The following SMC4 variants were observed in gnomAD, a reference collection of about 807,000 sequenced individuals.
SMC4 encodes structural maintenance of chromosomes 4.
Under a neutral mutation model 145.6 loss-of-function variants are expected in SMC4, and 87 were observed. That is an observed-to-expected ratio of 0.60 (90% CI 0.50 to 0.71). The LOEUF (loss-of-function observed/expected upper bound fraction) is 0.71. Among genes scored for constraint, SMC4 ranks in the 30% least tolerant of loss-of-function variants. The probability of loss-of-function intolerance (pLI) is 0.00; values close to 1 mark genes in which losing one functional copy is unlikely to be tolerated. For synonymous variants in SMC4, 558 were observed against 500.7 expected (o/e 1.11, Z -1.53); for missense variants, 1,447 against 1,537.1 (o/e 0.94, Z 0.98).
At chr3:160,407,847 C>T (rs1454319998) in intron 5 of SMC4, among the ~76,000 whole-genome samples, 2 of 152,154 alleles carry the variant, frequency 1.3e-5, no homozygotes, top group Admixed American at 1.3e-4. Flanking sequence ...GAAGCTACCT[C>T]TAACCAACCA....
Position 160,412,384 on chromosome 3 carries a change from T to C in SMC4, c.911T>C (p.Ile304Thr). The part of the protein sequence containing the change: ...EKDALEGEKN[I>T]AIEFLTLENE... ...GATGCCTTAGAAGGAGAGAAAAACA[T>C]AGCTATCGAATTTCTTACCTTGGAA... Residue 304 changes from isoleucine to threonine, a missense_variant, in exon 7 of 24, where the codon ATA becomes ACA. Transcript: ENST00000357388. 1 of 1,604,884 alleles carries C rather than the reference T, an allele frequency of 6.2e-7. No individual in the cohort carries two copies. Among genetic ancestry groups the C allele is most frequent in the Non-Finnish European group, 8.5e-7 (1 of 1,172,158 alleles).
intron 1 of SMC4, chr3:160,400,336 C>G (rs1412876522): frequency 6.6e-6 from 1 of 152,484 alleles, no homozygotes; most frequent in East Asian, 1.9e-4. Flanking sequence ...GGCGGCGAGT[C>G]GCCAGTTAGT....
intron 9 of SMC4, among the ~76,000 whole-genome samples, chr3:160,415,245 C>T (rs572063064): frequency 1.3e-5 from 2 of 152,310 alleles, no homozygotes; most frequent in African/African-American, 4.8e-5. Flanking sequence ...GTGGAACTTG[C>T]CTAAAAGTCC....
At position 160,413,387 on chromosome 3, in the gene SMC4, CAGTT is replaced by C. The variant is rs949343486; in HGVS notation, c.981-81_981-78del. 2.6e-5 allele frequency: 33 copies of C among 1,283,008 alleles called. 1 individual carries two copies. Among genetic ancestry groups the C allele is most frequent in the African/African-American group, 7.7e-5 (5 of 65,328 alleles). 79.5% of individuals were successfully genotyped at this position (1,283,008 alleles called of 1,614,324 possible). ...TGACTAGTTAATAATATTTTAGAAA[CAGTT>C]AGTTTTACTAAAATTGTTATACAGT... is the stretch of plus-strand genomic sequence containing the variant. On this transcript the variant is annotated intron_variant, in intron 7 of 23. Coordinates refer to ENST00000357388, the MANE Select transcript of SMC4 (RefSeq NM_001002800.3).
At chr3:160,427,508 A>G (rs17236452) in intron 17 of SMC4, among the ~76,000 whole-genome samples, 22,117 of 152,144 alleles carry the variant, frequency 0.15, 2,147 homozygotes, top group Non-Finnish European at 0.21. Flanking sequence ...GCCAAAATGT[A>G]TATCTGTGCT....
intron 9 of SMC4, among the ~76,000 whole-genome samples, chr3:160,414,971 A>G (rs1716434705): frequency 6.6e-6 from 1 of 152,196 alleles, no homozygotes; most frequent in Non-Finnish European, 1.5e-5. Context: ...TCTTTTTCCT[A>G]AAGTAGTAGT....
chr3:160,401,116 C>T (rs1033305239), intron 2 of SMC4, 151 bp downstream of exon 2: 46 of 1,120,770 alleles, frequency 4.1e-5, no homozygotes, highest in Middle Eastern at 6.2e-4. Flanking sequence ...AGCCATTTGG[C>T]AACTTTGAGA....
At chr3:160,428,041 G>A (rs1400613604) in intron 17 of SMC4, among the ~76,000 whole-genome samples, 2 of 152,214 alleles carry the variant, frequency 1.3e-5, no homozygotes, top group African/African-American at 4.8e-5. Flanking sequence ...AACCTGGGAG[G>A]TGGATGGAGG....
rs1488837892 is a variant in SMC4 at position 160,428,800 on chromosome 3, A to G, written c.2653A>G (p.Lys885Glu). The G allele has an allele frequency of 3.8e-6, 6 of 1,599,764 alleles. No homozygotes were observed. The highest frequency in any genetic ancestry group is 1.8e-5 in the Admixed American group (1 of 55,134). Reference protein sequence around the residue: ...EKAGKVEAEVKRLHNTIVEIN... With the variant: ...EKAGKVEAEVERLHNTIVEIN... ...AGCTGGTAAAGTAGAAGCTGAGGTT[A>G]AACGCTTACACAATACCATCGTAGA... The change falls in exon 18 of 24, where the codon AAA (lysine) becomes GAA (glutamate). Residue 885 changes from lysine (K) to glutamate (E), a missense_variant. Transcript: ENST00000357388.
rs199657629 is a variant in SMC4, at chr3:160,432,330, T to C, written c.3345T>C (p.Tyr1115=). ...QRVAELDKIT[Y]ERDSFRQAYE... is the part of the protein sequence containing the mutation. ...TAGCAGAATTGGACAAAATTACTTA[T>C]GAAAGAGACAGTTTTAGACAGGCAT... Residue 1115 remains tyrosine (Y), a synonymous_variant, in exon 22 of 24, where the codon TAT becomes TAC. Transcript: ENST00000357388. 32 of 1,612,758 alleles carry C rather than the reference T, an allele frequency of 2.0e-5. No individual in the cohort carries two copies. The East Asian group carries it at 5.3e-4, about 27-fold the overall frequency.
At chr3:160,423,913 C>A in intron 15 of SMC4, 73 bp downstream of exon 15, 1 of 1,215,682 alleles carries the variant, frequency 8.2e-7, no homozygotes. Context: ...ATACTTACTA[C>A]AAAATTTGGC....
chr3:160,402,569 C>G, intron 3 of SMC4, 107 bp from the exon 4 acceptor site: 1 of 1,121,592 alleles, frequency 8.9e-7, no homozygotes. Flanking sequence ...TAAATACTTG[C>G]AGTTTTTAAC....
At chr3:160,408,181 T>G (rs1404490438) in intron 5 of SMC4, among the ~76,000 whole-genome samples, 1 of 152,206 alleles carries the variant, frequency 6.6e-6, no homozygotes, top group Non-Finnish European at 1.5e-5. Context: ...AAGAGAAGAA[T>G]AATTGAGGCC....
chr3:160,410,192 C>A lies in SMC4; in HGVS notation c.688-1728C>A, dbSNP rs548695039. ...ATTCAGTAACGTCTGAAGACAGTTT[C>A]GGTTGTTATAGCTGGTAGAAGTGGG... is the stretch of plus-strand genomic sequence containing the variant. On this transcript the variant is annotated intron_variant, in intron 5 of 23. Coordinates refer to ENST00000357388, the MANE Select transcript of SMC4 (RefSeq NM_001002800.3). 1.2e-4 allele frequency among the ~76,000 whole-genome samples: 19 copies of A among 152,276 alleles called. No individual in the cohort carries two copies. In the South Asian group the frequency reaches 3.5e-3, roughly 28 times the overall value.
rs925894963 is a variant in SMC4 at position 160,430,808 on chromosome 3, A to G, written c.2940+65A>G. ...CTGGAACCAATTTAAAGAGCTGGAT[A>G]TATGACAGTGCCTAGAATGTAGTAA... On this transcript the variant is annotated intron_variant, in intron 19 of 23. Transcript: ENST00000357388. 6.6e-6 allele frequency: 10 copies of G among 1,523,758 alleles called. No homozygotes were observed. In the South Asian group the frequency reaches 9.0e-5, roughly 14 times the overall value. The allele number at this position is 1,523,758 out of a possible 1,614,324, so 94.4% of individuals were successfully genotyped here. A position where few individuals can be genotyped will look rare whatever the true frequency, so the allele number is the denominator to read the frequency against.
chr3:160,414,125 A>G (rs779463107), intron 8 of SMC4: 35 of 514,646 alleles, frequency 6.8e-5, no homozygotes, highest in South Asian at 5.4e-4. Context: ...TAGACATTGT[A>G]GTCACTGGAA....
Position 160,417,942 on chromosome 3 carries a change from C to A in SMC4, c.1657C>A (p.Gln553Lys). ...AGAAGGAAAACTCCCTCAAACTGAA[C>A]AAGAATTAAAGGAGGTAAATCTTTG... ...DIEGKLPQTE[Q>K]ELKEKEKELQ... Residue 553 changes from glutamine to lysine, a missense_variant, in exon 11 of 24, where the codon CAA becomes AAA. Transcript: ENST00000357388. 3.1e-6 allele frequency: 5 copies of A among 1,610,878 alleles called. No homozygotes were observed. The highest frequency in any genetic ancestry group is 4.2e-6 in the Non-Finnish European group (5 of 1,178,270).
At chr3:160,429,083 TC>T in intron 18 of SMC4, 141 bp downstream of exon 18, 2 of 673,888 alleles carry the variant, frequency 3.0e-6, no homozygotes, top group Non-Finnish European at 4.8e-6. Flanking sequence ...TAATGGGACT[TC>T]CATGACGGAA....
chr3:160,402,847 T>C lies in SMC4; in HGVS notation c.490T>C (p.Phe164Leu). 1 of 1,566,842 alleles carries C rather than the reference T, an allele frequency of 6.4e-7. No homozygotes were observed. Among genetic ancestry groups the C allele is most frequent in the Non-Finnish European group, 8.6e-7 (1 of 1,163,804 alleles). Residue 164 changes from phenylalanine (F) to leucine (L), a missense_variant, in exon 4 of 24, where the codon TTT becomes CTT. By Grantham distance (22) the Phe-to-Leu change is conservative. Transcript: ENST00000357388. Reference protein sequence around the residue: ...DIQSCTVEVHFQKIIDKEGDD... With the variant: ...DIQSCTVEVHLQKIIDKEGDD... ...TCAGAGTTGTACAGTAGAAGTTCAT[T>C]TTCAAAAGATAATTGATAAGGTAAG...
Sources: gnomAD v4.1 joint callset for allele counts (sites outside exome capture counted in the v4.1 genomes callset) on GRCh38, gnomAD v4.1.1 for gene constraint, MANE v1.5 for transcripts, NCBI Gene and HGNC (gene_info 2026-07-23, HGNC 2026-07-21) for gene names.